The following EYA1 variants were observed in gnomAD, a reference collection of about 807,000 sequenced individuals.
EYA1 encodes EYA transcriptional coactivator and phosphatase 1.
EYA1 carries 16 observed loss-of-function variants against 82.0 expected under a neutral mutation model. That is an observed-to-expected ratio of 0.20 (90% CI 0.13 to 0.30). The LOEUF is 0.30. EYA1 is among the 10% of genes least tolerant of loss of function. The pLI is 1.00. For synonymous variants in EYA1, 261 were observed against 264.4 expected (o/e 0.99, Z 0.12); for missense variants, 633 against 730.7 (o/e 0.87, Z 1.54).
chr8:71,425,326 C>A (rs1340807799), intron 2 of EYA1, among the ~76,000 whole-genome samples: 1 of 151,762 alleles, frequency 6.6e-6, no homozygotes, highest in Admixed American at 6.6e-5. Flanking sequence ...TAAAAACTTG[C>A]TTCTTAAAGA....
intron 12 of EYA1, among the ~76,000 whole-genome samples, chr8:71,217,677 TGTTTA>T (rs1809388335): frequency 6.6e-6 from 1 of 151,748 alleles, no homozygotes; most frequent in Non-Finnish European, 1.5e-5. Flanking sequence ...GCTTGTTTGC[TGTTTA>T]GTTTTTTTTA....
chr8:71,356,369 T>G, intron 2 of EYA1, 93 bp downstream of exon 2: 1 of 1,067,282 alleles, frequency 9.4e-7, no homozygotes, highest in Non-Finnish European at 1.4e-6. Context: ...GCTGTTACTA[T>G]TAATAGAAAT....
chr8:71,313,688 A>G (rs904346695), intron 7 of EYA1, among the ~76,000 whole-genome samples: 8 of 152,190 alleles, frequency 5.3e-5, no homozygotes, highest in Non-Finnish European at 1.2e-4. Context: ...CTGAAGGCCC[A>G]CAGAAAGCAA....
In EYA1 at chr8:71,353,957, CTAGAG is replaced by C. The variant is rs1480109577; in HGVS notation, c.124+820_124+824del. ...TATGAAGAAATAATTTTTCAATAGA[CTAGAG>C]TAGAAATAAATATAATGCAATATGT... On this transcript the variant is annotated intron_variant, in intron 3 of 17. Transcript: ENST00000340726. Among the ~76,000 whole-genome samples, 18 of 152,130 alleles carry C rather than the reference CTAGAG, an allele frequency of 1.2e-4. 1 individual carries two copies. The highest frequency in any genetic ancestry group is 3.1e-4 in the African/African-American group (13 of 41,514).
chr8:71,360,389 T>C (rs1244858167), intron 1 of EYA1, among the ~76,000 whole-genome samples: 2 of 152,260 alleles, frequency 1.3e-5, no homozygotes, highest in Non-Finnish European at 2.9e-5. Context: ...TTAATACGAT[T>C]TTCACAAATG....
At chr8:71,453,134 AGTAGAT>A (rs2129181793) in intron 2 of EYA1, among the ~76,000 whole-genome samples, 1 of 152,388 alleles carries the variant, frequency 6.6e-6, no homozygotes, top group East Asian at 1.9e-4. Flanking sequence ...CACAAGCTTC[AGTAGAT>A]GATTCCATCA....
intron 11 of EYA1, among the ~76,000 whole-genome samples, chr8:71,245,593 C>T (rs555737501): frequency 1.1e-3 from 163 of 151,834 alleles, no homozygotes; most frequent in African/African-American, 3.7e-3. Context: ...TACGTGTGGC[C>T]TCAAACAATT....
intron 9 of EYA1, 90 bp downstream of exon 9, chr8:71,298,957 G>C: frequency 7.6e-7 from 1 of 1,310,852 alleles, no homozygotes; most frequent in African/African-American, 1.4e-5. Context: ...CCAAAATTGT[G>C]CAACCACTGC....
intron 2 of EYA1, among the ~76,000 whole-genome samples, chr8:71,523,137 A>AT (rs1268727873): frequency 6.6e-6 from 1 of 150,428 alleles, no homozygotes; most frequent in East Asian, 2.0e-4. Context: ...CCAAAGTAAT[A>AT]TAAAAATCTA....
chr8:71,484,099 T>C (rs1013757673), intron 2 of EYA1, among the ~76,000 whole-genome samples: 1 of 152,142 alleles, frequency 6.6e-6, no homozygotes, highest in African/African-American at 2.4e-5. Flanking sequence ...AGGAAGGTAA[T>C]ATAGCAGGAT....
chr8:71,209,380 G>A (rs200723859), intron 17 of EYA1, among the ~76,000 whole-genome samples: 1 of 152,218 alleles, frequency 6.6e-6, no homozygotes. Flanking sequence ...TAGAACTACT[G>A]CTTAAATGGC....
In EYA1 at chr8:71,299,847, G is replaced by A. The variant is rs116180727; in HGVS notation, c.557-127C>T. On this transcript the variant is annotated intron_variant, in intron 7 of 17. Transcript: ENST00000340726. ...CTTCGACACTAGAATCTGTTGTCAT[G>A]TCTAAAATGTAGTTTTCTTAACATA... is the stretch of plus-strand genomic sequence containing the variant. The A allele has an allele frequency of 2.1e-3, 1,418 of 678,060 alleles. 14 individuals are homozygous for A. The African/African-American group carries it at 0.021, about 10-fold the overall frequency. The allele number at this position is 678,060 out of a possible 1,614,324, so 42.0% of individuals were successfully genotyped here. A position where few individuals can be genotyped will look rare whatever the true frequency, so the allele number is the denominator to read the frequency against.
chr8:71,304,202 A>G (rs1820492706), intron 7 of EYA1, among the ~76,000 whole-genome samples: 1 of 142,598 alleles, frequency 7.0e-6, no homozygotes, highest in Non-Finnish European at 1.6e-5. Context: ...ACATTGAGCC[A>G]GCCCAAATAA....
intron 4 of EYA1, among the ~76,000 whole-genome samples, chr8:71,323,312 C>T (rs553273361): frequency 3.9e-4 from 60 of 152,126 alleles, no homozygotes; most frequent in African/African-American, 1.4e-3. Flanking sequence ...TTATTTTATT[C>T]TTCTACCAAT....
intron 3 of EYA1, among the ~76,000 whole-genome samples, chr8:71,348,681 C>T (rs1004962477): frequency 2.6e-5 from 4 of 152,176 alleles, no homozygotes; most frequent in African/African-American, 9.6e-5. Context: ...ACACGGGCCA[C>T]CCCTCTATTC....
chr8:71,504,489 T>C (rs1812044479), intron 2 of EYA1, among the ~76,000 whole-genome samples: 1 of 152,270 alleles, frequency 6.6e-6, no homozygotes, highest in Admixed American at 6.5e-5. Context: ...TAGTTAATTT[T>C]ATATGTATTT....
intron 2 of EYA1, 51 bp from the exon 3 acceptor site, chr8:71,354,960 A>G: frequency 1.3e-6 from 2 of 1,584,228 alleles, no homozygotes. Context: ...TCATAACACC[A>G]CCATTTAATG....
intron 2 of EYA1, among the ~76,000 whole-genome samples, chr8:71,416,833 T>C (rs1250913929): frequency 1.3e-5 from 2 of 152,182 alleles, no homozygotes; most frequent in African/African-American, 4.8e-5. Context: ...ATGATGACCC[T>C]GTGATGGTTA....
intron 2 of EYA1, among the ~76,000 whole-genome samples, chr8:71,370,950 A>G (rs576419001): frequency 1.3e-5 from 2 of 152,220 alleles, no homozygotes; most frequent in South Asian, 4.2e-4. Flanking sequence ...AGTGGGGGAA[A>G]AAGTCTAAAC....
Sources: gnomAD v4.1 joint callset for allele counts (sites outside exome capture counted in the v4.1 genomes callset) on GRCh38, gnomAD v4.1.1 for gene constraint, MANE v1.5 for transcripts, NCBI Gene and HGNC (gene_info 2026-07-23, HGNC 2026-07-21) for gene names.